Variants in GRID2 observed in about 807,000 individuals in gnomAD.
GRID2 encodes the protein glutamate receptor ionotropic, delta-2.
Under a neutral mutation model 114.8 loss-of-function variants are expected in GRID2, and 33 were observed. The ratio of observed to expected loss-of-function variants is 0.29; its 90% CI spans 0.22 to 0.38. The LOEUF is 0.38. GRID2 is among the 10% of genes least tolerant of loss of function. The pLI, the probability that GRID2 is intolerant of heterozygous loss-of-function variation, is 1.00. For synonymous variants in GRID2, 505 were observed against 449.9 expected, an observed-to-expected ratio of 1.12 and a Z score of -1.55; for missense variants, 1,184 against 1,257.7, an observed-to-expected ratio of 0.94 and a Z score of 0.89.
chr4:92,380,426 T>C (rs1319602566), intron 1 of GRID2, among the ~76,000 whole-genome samples: 1 of 152,006 alleles, frequency 6.6e-6, no homozygotes, highest in Non-Finnish European at 1.5e-5. Context: ...AACACAGATC[T>C]TTTGTGAAGA....
At chr4:92,349,685 TA>T (rs1474109000) in intron 1 of GRID2, among the ~76,000 whole-genome samples, 1 of 151,792 alleles carries the variant, frequency 6.6e-6, no homozygotes, top group East Asian at 1.9e-4. Flanking sequence ...ATTAGGGAAA[TA>T]TTTTTAAAAA....
At chr4:92,562,725 G>A (rs1043423940) in intron 1 of GRID2, among the ~76,000 whole-genome samples, 2 of 151,906 alleles carry the variant, frequency 1.3e-5, no homozygotes, top group African/African-American at 2.4e-5. Flanking sequence ...TTTGAATCTT[G>A]GCTCTCCAAA....
chr4:92,991,744 A>G (rs897740583), intron 2 of GRID2, among the ~76,000 whole-genome samples: 3 of 152,188 alleles, frequency 2.0e-5, no homozygotes, highest in South Asian at 2.1e-4. Flanking sequence ...TAAAACAACT[A>G]AAAAGTATCA....
At chr4:92,922,259 C>G (rs1358654757) in intron 2 of GRID2, among the ~76,000 whole-genome samples, 6 of 152,282 alleles carry the variant, frequency 3.9e-5, no homozygotes, top group African/African-American at 1.2e-4. Context: ...CTTTCTTTGA[C>G]TAGGAAAGGG....
At chr4:93,668,566 G>T (rs1724140267) in intron 14 of GRID2, among the ~76,000 whole-genome samples, 1 of 152,036 alleles carries the variant, frequency 6.6e-6, no homozygotes, top group Non-Finnish European at 1.5e-5. Context: ...ATGAAACATG[G>T]TCTTAGCCTT....
intron 1 of GRID2, among the ~76,000 whole-genome samples, chr4:92,551,904 C>G (rs2149173478): frequency 6.6e-6 from 1 of 152,036 alleles, no homozygotes; most frequent in Middle Eastern, 3.4e-3. Context: ...GTTTCTCTCT[C>G]TCCAGTAGAA....
chr4:93,187,937 A>G (rs993285425), intron 4 of GRID2, among the ~76,000 whole-genome samples: 5 of 152,216 alleles, frequency 3.3e-5, no homozygotes, highest in Non-Finnish European at 7.3e-5. Context: ...CGGGCCCCCA[A>G]GTTTCCAGGA....
rs1345397398 is a variant in GRID2, at chr4:92,355,141, AT to A, written c.88+50398del. Among the ~76,000 whole-genome samples, 10 of 151,994 alleles carry A rather than the reference AT, an allele frequency of 6.6e-5. No individual in the cohort carries two copies. The East Asian group carries it at 1.9e-3, about 29-fold the overall frequency. Reference sequence around the variant, plus strand: ...TTGAAATGTATTTGTTTTCATGCTTATCATCTGTATTTTCTCTCTAGAATGT... The same window carrying A: ...TTGAAATGTATTTGTTTTCATGCTTACATCTGTATTTTCTCTCTAGAATGT... On this transcript the variant is annotated intron_variant, in intron 1 of 15. Coordinates refer to ENST00000282020, the MANE Select transcript of GRID2 (RefSeq NM_001510.4).
chr4:92,386,262 G>A (rs1729955883), intron 1 of GRID2, among the ~76,000 whole-genome samples: 1 of 151,544 alleles, frequency 6.6e-6, no homozygotes, highest in African/African-American at 2.4e-5. Context: ...ATTTTATCAG[G>A]AATGCATACT....
At chr4:92,634,747 CT>C (rs3077529) in intron 2 of GRID2, among the ~76,000 whole-genome samples, 7,769 of 121,074 alleles carry the variant, frequency 0.064, 185 homozygotes, top group East Asian at 0.099. Context: ...TTTTTTTTTT[CT>C]TTTTTTTTTT....
rs150293140 is a variant in GRID2 at position 92,347,835 on chromosome 4, C to T, written c.88+43091C>T. 2.3e-4 allele frequency among the ~76,000 whole-genome samples: 35 copies of T among 152,076 alleles called. No homozygotes were observed. In the East Asian group the frequency reaches 6.6e-3, roughly 29 times the overall value. On this transcript the variant is annotated intron_variant, in intron 1 of 15. Coordinates refer to ENST00000282020, the MANE Select transcript of GRID2 (RefSeq NM_001510.4). ...AAGAGACACCTTTCATACATTAGTG[C>T]ATTAATATATGAATATAATATTATA...
intron 1 of GRID2, among the ~76,000 whole-genome samples, chr4:92,542,796 A>G (rs1726043679): frequency 6.6e-6 from 1 of 152,124 alleles, no homozygotes; most frequent in Non-Finnish European, 1.5e-5. Context: ...TTAAAAAGAA[A>G]ATGCTAAGAT....
chr4:92,407,343 A>G (rs1731079205), intron 1 of GRID2, among the ~76,000 whole-genome samples: 1 of 152,154 alleles, frequency 6.6e-6, no homozygotes, highest in South Asian at 2.1e-4. Flanking sequence ...TGATGGGCGC[A>G]TAGGTTGATT....
intron 13 of GRID2, among the ~76,000 whole-genome samples, chr4:93,572,554 T>A (rs776873351): frequency 3.3e-5 from 5 of 152,140 alleles, no homozygotes; most frequent in Non-Finnish European, 7.4e-5. Context: ...ATTAAAATAA[T>A]AATGAGCTTG....
At chr4:93,361,590 C>T (rs1761887181) in intron 8 of GRID2, among the ~76,000 whole-genome samples, 2 of 151,758 alleles carry the variant, frequency 1.3e-5, no homozygotes, top group Admixed American at 1.3e-4. Context: ...TTTAATAGAG[C>T]CTTCACTGTA....
chr4:93,246,323 C>T (rs533488264), intron 8 of GRID2, among the ~76,000 whole-genome samples: 4 of 152,182 alleles, frequency 2.6e-5, no homozygotes, highest in African/African-American at 4.8e-5. Context: ...CATGGTGGCT[C>T]ACACCTGTAA....
intron 2 of GRID2, among the ~76,000 whole-genome samples, chr4:92,706,076 G>A (rs942710171): frequency 1.3e-5 from 2 of 152,120 alleles, no homozygotes; most frequent in Admixed American, 6.5e-5. Flanking sequence ...AAACATCAAG[G>A]TCTTGATGGG....
intron 14 of GRID2, among the ~76,000 whole-genome samples, chr4:93,684,720 G>A (rs1725916647): frequency 6.6e-6 from 1 of 151,974 alleles, no homozygotes; most frequent in Non-Finnish European, 1.5e-5. Flanking sequence ...ATATCACGTG[G>A]GGAGTGGTAG....
chr4:92,917,620 C>G (rs183364950), intron 2 of GRID2, among the ~76,000 whole-genome samples: 35 of 151,958 alleles, frequency 2.3e-4, no homozygotes, highest in Admixed American at 1.3e-4. Flanking sequence ...ATAGGGAATC[C>G]TTTCCTCTTT....
Sources: gnomAD v4.1 joint callset for allele counts (sites outside exome capture counted in the v4.1 genomes callset) on GRCh38, gnomAD v4.1.1 for gene constraint, MANE v1.5 for transcripts, NCBI Gene and HGNC (gene_info 2026-07-23, HGNC 2026-07-21) for gene names.